Variants in MAGI2 observed in about 807,000 individuals in gnomAD.
MAGI2 encodes the protein membrane associated guanylate kinase, WW and PDZ domain containing 2, also known as membrane-associated guanylate kinase, WW and PDZ domain-containing protein 2.
A neutral mutation model predicts 133.3 loss-of-function variants in MAGI2; 35 were observed. That is an observed-to-expected ratio of 0.26 (90% confidence interval 0.20 to 0.35). The LOEUF (loss-of-function observed/expected upper bound fraction) is 0.35. Ranked by LOEUF, MAGI2 falls within the 10% of genes least tolerant of loss-of-function variation. MAGI2 has a pLI of 1.00. For missense variants in MAGI2, 1,636 were observed against 1,863.4 expected (o/e 0.88, Z 2.25); for synonymous variants, 729 against 710.6 (o/e 1.03, Z -0.41).
chr7:79,155,875 T>C (rs1399895471), intron 1 of MAGI2, among the ~76,000 whole-genome samples: 3 of 152,132 alleles, frequency 2.0e-5, no homozygotes, highest in Admixed American at 2.0e-4. Context: ...ATTAAAAAAA[T>C]GTTATACTGA....
At chr7:78,998,974 C>T (rs1584625824) in intron 2 of MAGI2, among the ~76,000 whole-genome samples, 1 of 152,042 alleles carries the variant, frequency 6.6e-6, no homozygotes, top group African/African-American at 2.4e-5. Flanking sequence ...CTGAAAGGTG[C>T]GTTATTTTCC....
At chr7:79,007,319 A>G in intron 1 of MAGI2, 113 bp from the exon 2 acceptor site, 1 of 620,740 alleles carries the variant, frequency 1.6e-6, no homozygotes, top group Admixed American at 3.0e-5. Flanking sequence ...ATTATTTCAA[A>G]GTGTTCTTTT....
At chr7:78,768,290 A>C (rs900879460) in intron 2 of MAGI2, among the ~76,000 whole-genome samples, 3 of 152,174 alleles carry the variant, frequency 2.0e-5, no homozygotes, top group Non-Finnish European at 2.9e-5. Flanking sequence ...TGTTTTCATT[A>C]TATCACCTCA....
intron 16 of MAGI2, among the ~76,000 whole-genome samples, chr7:78,142,449 C>T (rs2150560589): frequency 6.6e-6 from 1 of 152,180 alleles, no homozygotes. Flanking sequence ...GTGCATTTTC[C>T]ACTCCCCTGT....
chr7:78,370,497 A>G (rs970606359), intron 6 of MAGI2, among the ~76,000 whole-genome samples: 3 of 151,968 alleles, frequency 2.0e-5, no homozygotes, highest in African/African-American at 7.2e-5. Flanking sequence ...TAAATCTTTT[A>G]TCATATTTCT....
At chr7:78,748,658 G>A (rs1167817445) in intron 2 of MAGI2, among the ~76,000 whole-genome samples, 2 of 151,872 alleles carry the variant, frequency 1.3e-5, no homozygotes, top group African/African-American at 2.4e-5. Flanking sequence ...CAATTTGTAT[G>A]GCACAAATGC....
intron 1 of MAGI2, among the ~76,000 whole-genome samples, chr7:79,409,123 G>GA (rs941632141): frequency 5.9e-5 from 9 of 151,878 alleles, no homozygotes; most frequent in Non-Finnish European, 1.0e-4. Flanking sequence ...TACCTGAGGG[G>GA]AAAAAATAAA....
chr7:79,280,646 G>A (rs1835564692), intron 1 of MAGI2, among the ~76,000 whole-genome samples: 1 of 151,936 alleles, frequency 6.6e-6, no homozygotes, highest in Admixed American at 6.6e-5. Context: ...ACAAGGTTTG[G>A]GTCTGGGAGC....
At chr7:78,934,135 C>T (rs1031436018) in intron 2 of MAGI2, among the ~76,000 whole-genome samples, 2 of 152,040 alleles carry the variant, frequency 1.3e-5, no homozygotes, top group African/African-American at 4.8e-5. Context: ...GAGTCTTGCT[C>T]TTGTCACCCA....
chr7:78,174,691 A>G (rs1170862039), intron 14 of MAGI2, among the ~76,000 whole-genome samples: 1 of 152,196 alleles, frequency 6.6e-6, no homozygotes, highest in Non-Finnish European at 1.5e-5. Flanking sequence ...GAGATGACCC[A>G]GGATGGGGCC....
At chr7:78,282,902 A>G (rs1795766407) in intron 9 of MAGI2, among the ~76,000 whole-genome samples, 1 of 148,916 alleles carries the variant, frequency 6.7e-6, no homozygotes, top group Non-Finnish European at 1.5e-5. Context: ...ACTGATGTTT[A>G]TGTTAACAAT....
At chr7:78,755,603 C>T (rs1193646179) in intron 2 of MAGI2, among the ~76,000 whole-genome samples, 1 of 152,158 alleles carries the variant, frequency 6.6e-6, no homozygotes, top group Non-Finnish European at 1.5e-5. Context: ...CTCTGAAAGT[C>T]TGATCCACAA....
chr7:78,114,871 G>A (rs3807726), intron 20 of MAGI2, among the ~76,000 whole-genome samples: 126,483 of 152,180 alleles, frequency 0.83, 52,949 homozygotes, highest in Non-Finnish European at 0.88. Context: ...GAATGAATGC[G>A]GCGGGCACAC....
intron 1 of MAGI2, among the ~76,000 whole-genome samples, chr7:79,161,307 G>T (rs114418550): frequency 0.014 from 2,170 of 152,018 alleles, 54 homozygotes; most frequent in African/African-American, 0.049. Flanking sequence ...CAAAGTATAG[G>T]GTAAAAGCTG....
intron 6 of MAGI2, chr7:78,486,545 A>T (rs1031236101): frequency 1.3e-5 from 3 of 229,920 alleles, no homozygotes; most frequent in Non-Finnish European, 2.7e-5. Flanking sequence ...AGATGAGGCC[A>T]CCTGACATGT....
chr7:78,745,849 T>TC (rs1674015852), intron 2 of MAGI2, among the ~76,000 whole-genome samples: 1 of 152,222 alleles, frequency 6.6e-6, no homozygotes, highest in Non-Finnish European at 1.5e-5. Flanking sequence ...TGTCTTACTC[T>TC]CCCTATCCTG....
chr7:78,242,079 T>TG (rs35063275), intron 10 of MAGI2, among the ~76,000 whole-genome samples: 23,502 of 152,212 alleles, frequency 0.15, 2,412 homozygotes, highest in Middle Eastern at 0.27. Context: ...ACAAACCATT[T>TG]TTTAATTCCT....
intron 5 of MAGI2, 159 bp from the exon 6 acceptor site, chr7:78,489,999 T>C: frequency 1.9e-6 from 1 of 522,062 alleles, no homozygotes; most frequent in Non-Finnish European, 3.4e-6. Flanking sequence ...TAAGAGTAAT[T>C]GTGCAAGGCA....
chr7:78,814,759 G>T (rs1173824646), intron 2 of MAGI2, among the ~76,000 whole-genome samples: 2 of 152,056 alleles, frequency 1.3e-5, no homozygotes, highest in Admixed American at 6.5e-5. Context: ...GTCTCACTCT[G>T]TCTCCCAGGA....
Sources: allele counts gnomAD v4.1 joint callset (sites outside exome capture counted in the v4.1 genomes callset), GRCh38; gene constraint gnomAD v4.1.1; transcripts MANE v1.5; gene names NCBI Gene and HGNC (gene_info 2026-07-23, HGNC 2026-07-21).